ATAD2B: variants seen among roughly 807,000 people sequenced by gnomAD.
ATAD2B encodes the protein ATPase family AAA domain containing 2B, also known as ATPase family AAA domain-containing protein 2B.
A neutral mutation model predicts 167.6 loss-of-function variants in ATAD2B; 40 were observed. The observed-to-expected ratio is 0.24, with a 90% CI of 0.19 to 0.31. The LOEUF is 0.31. Among genes scored for constraint, ATAD2B ranks in the 10% least tolerant of loss-of-function variants. ATAD2B has a pLI of 1.00. For synonymous variants in ATAD2B, 579 were observed against 596.5 expected, an observed-to-expected ratio of 0.97 and a Z score of 0.43; for missense variants, 1,242 against 1,757.2, an observed-to-expected ratio of 0.71 and a Z score of 5.24.
intron 2 of ATAD2B, among the ~76,000 whole-genome samples, chr2:23,893,921 C>G (rs1206657745): frequency 6.6e-6 from 1 of 151,928 alleles, no homozygotes; most frequent in Non-Finnish European, 1.5e-5. Flanking sequence ...GCCTTGGCCT[C>G]CCAAAGTTCT....
At chr2:23,699,427 G>GAGTT in the ATAD2B span, among the ~76,000 whole-genome samples, 2 of 152,214 alleles carry the variant, frequency 1.3e-5, no homozygotes, top group African/African-American at 4.8e-5. Flanking sequence ...GAGGCAACTG[G>GAGTT]AGTTGGGAGA....
At chr2:23,694,729 TTC>T in the ATAD2B span, among the ~76,000 whole-genome samples, 2 of 152,298 alleles carry the variant, frequency 1.3e-5, no homozygotes, top group Admixed American at 1.3e-4. Flanking sequence ...CTACACGGGC[TTC>T]GAATGTCCAC....
At chr2:23,791,497 G>A (rs1351491280) in intron 19 of ATAD2B, among the ~76,000 whole-genome samples, 1 of 150,722 alleles carries the variant, frequency 6.6e-6, no homozygotes, top group Non-Finnish European at 1.5e-5. Flanking sequence ...GCTTTCAATG[G>A]CAAAAAACGC....
chr2:23,921,205 C>CAAAAAAAAAAAAAAAAAAA (rs61004964), intron 1 of ATAD2B, among the ~76,000 whole-genome samples: 1 of 32,288 alleles, frequency 3.1e-5, no homozygotes, highest in Non-Finnish European at 5.1e-5. Context: ...GACTCCATCT[C>CAAAAAAAAAAAAAAAAAAA]AAAAAAAAAA....
At chr2:23,884,504 T>TG (rs1698409144) in intron 6 of ATAD2B, among the ~76,000 whole-genome samples, 1 of 152,118 alleles carries the variant, frequency 6.6e-6, no homozygotes. Context: ...GTAAATCCCA[T>TG]ACCAGATCAC....
At chr2:23,875,985 G>A in intron 7 of ATAD2B, 81 bp from the exon 8 acceptor site, 3 of 1,079,052 alleles carry the variant, frequency 2.8e-6, no homozygotes, top group Non-Finnish European at 4.1e-6. Flanking sequence ...AATGACTTCT[G>A]CTCACTTTTT....
At chr2:23,870,209 A>G (rs1311138896) in intron 8 of ATAD2B, among the ~76,000 whole-genome samples, 23 of 60,982 alleles carry the variant, frequency 3.8e-4, no homozygotes, top group African/African-American at 8.5e-4. Flanking sequence ...TCCTTCTCGG[A>G]AAAAAAAAAA....
chr2:23,798,044 T>C, intron 19 of ATAD2B, 94 bp downstream of exon 19: 1 of 816,834 alleles, frequency 1.2e-6, no homozygotes. Context: ...CCTGGCAGTA[T>C]TAATTTTATA....
At chr2:23,876,224 C>T (rs865791047) in intron 7 of ATAD2B, among the ~76,000 whole-genome samples, 1 of 151,662 alleles carries the variant, frequency 6.6e-6, no homozygotes, top group African/African-American at 2.4e-5. Flanking sequence ...GATCTCCTGA[C>T]CTCATCATCC....
At chr2:23,723,347 G>GGGGAGAGGAT in the ATAD2B span, among the ~76,000 whole-genome samples, 1 of 148,376 alleles carries the variant, frequency 6.7e-6, no homozygotes, top group East Asian at 2.0e-4. Flanking sequence ...AGGAAAGGAA[G>GGGGAGAGGAT]GGGAGGGGAT....
At chr2:23,775,636 C>G (rs189693686) in intron 22 of ATAD2B, among the ~76,000 whole-genome samples, 3 of 152,206 alleles carry the variant, frequency 2.0e-5, no homozygotes, top group African/African-American at 7.2e-5. Context: ...GTAAATACTC[C>G]CAGTAGAGGC....
the ATAD2B span, among the ~76,000 whole-genome samples, chr2:23,692,387 G>A: frequency 6.6e-6 from 1 of 152,256 alleles, no homozygotes; most frequent in Admixed American, 6.5e-5. Flanking sequence ...GGGGGTCGCT[G>A]ACCCGAACAA....
intron 1 of ATAD2B, among the ~76,000 whole-genome samples, chr2:23,910,500 G>A (rs1702133109): frequency 6.6e-6 from 1 of 151,548 alleles, no homozygotes; most frequent in Non-Finnish European, 1.5e-5. Flanking sequence ...TATCTTCATT[G>A]TCTGGTCACT....
chr2:23,728,502 G>C, the ATAD2B span, among the ~76,000 whole-genome samples: 1 of 152,120 alleles, frequency 6.6e-6, no homozygotes, highest in African/African-American at 2.4e-5. Context: ...ACAAAGATAG[G>C]AGGAACCTTA....
At chr2:23,917,161 G>C (rs1443614607) in intron 1 of ATAD2B, among the ~76,000 whole-genome samples, 2 of 152,196 alleles carry the variant, frequency 1.3e-5, no homozygotes, top group Non-Finnish European at 2.9e-5. Context: ...GTAGCTGCTC[G>C]ATATTTACTG....
the ATAD2B span, among the ~76,000 whole-genome samples, chr2:23,698,303 T>C: frequency 6.6e-6 from 1 of 152,192 alleles, no homozygotes; most frequent in Non-Finnish European, 1.5e-5. Context: ...AGGGGCAGGA[T>C]GCAGGCTTGA....
chr2:23,889,658 G>T (rs1354365964), intron 2 of ATAD2B, among the ~76,000 whole-genome samples: 1 of 151,646 alleles, frequency 6.6e-6, no homozygotes, highest in Non-Finnish European at 1.5e-5. Context: ...GATGGCTCAC[G>T]CCTATAATCC....
In ATAD2B at chr2:23,864,289, G is replaced by A. The variant is rs1346964940; in HGVS notation, c.1304+520C>T. Among the ~76,000 whole-genome samples the A allele has an allele frequency of 6.6e-5, 10 of 152,174 alleles. No individual in the cohort carries two copies. The East Asian group carries it at 1.9e-3, about 29-fold the overall frequency. ...CAAAGTACTGGGATTACAGACTTGA[G>A]CCACCGTGCCCAGCCAGAATATTCT... On this transcript the variant is annotated intron_variant, in intron 11 of 27. Coordinates refer to ENST00000238789, the MANE Select transcript of ATAD2B (RefSeq NM_017552.4).
At chr2:23,746,441 A>AT (rs1674886903), downstream of ATAD2B, among the ~76,000 whole-genome samples, 5 of 152,228 alleles carry the variant, frequency 3.3e-5, no homozygotes, top group Admixed American at 3.3e-4. Context: ...AGTAAACGTG[A>AT]TATAAGTATG....
Sources: gnomAD v4.1 joint callset for allele counts (sites outside exome capture counted in the v4.1 genomes callset) on GRCh38, gnomAD v4.1.1 for gene constraint, MANE v1.5 for transcripts, NCBI Gene and HGNC (gene_info 2026-07-23, HGNC 2026-07-21) for gene names.